METTL21C: variants seen among roughly 807,000 people sequenced by gnomAD.
The protein encoded by METTL21C is protein-lysine methyltransferase METTL21C.
In METTL21C, 21 loss-of-function variants were observed where a neutral mutation model predicts 25.9. The observed-to-expected ratio is 0.81, with a 90% CI of 0.58 to 1.17. The LOEUF is 1.17. METTL21C is among the 50% of genes most tolerant of loss of function. METTL21C has a pLI of 0.00. For synonymous variants in METTL21C, 125 were observed against 124.7 expected (o/e 1.00, Z -0.01); for missense variants, 312 against 315.1 (o/e 0.99, Z 0.07).
Position 102,694,586 on chromosome 13 carries a change from C to T in METTL21C, c.-88G>A, listed in dbSNP as rs897150564. ...TACTGACTGACTGTTACTAGTTCAG[C>T]ACATCTATGATCTACATCGCATGTT... is the stretch of plus-strand genomic sequence containing the variant. On this transcript the variant is annotated 5_prime_UTR_variant, in exon 1 of 4. Transcript: ENST00000267273. 1 of 163,526 alleles carries T rather than the reference C, an allele frequency of 6.1e-6. No individual in the cohort carries two copies. Among genetic ancestry groups the T allele is most frequent in the Non-Finnish European group, 6.9e-6 (1 of 144,898 alleles). The allele number at this position is 163,526 out of a possible 1,614,324, so 10.1% of individuals were successfully genotyped here.
intron 1 of METTL21C, among the ~76,000 whole-genome samples, 185 bp downstream of exon 1, chr13:102,694,184 A>G (rs1885893025): frequency 6.6e-6 from 1 of 152,238 alleles, no homozygotes; most frequent in South Asian, 2.1e-4. Flanking sequence ...ACTTTTAATA[A>G]GTAAATAATG....
At chr13:102,702,677 G>T in the METTL21C span, among the ~76,000 whole-genome samples, 1 of 151,338 alleles carries the variant, frequency 6.6e-6, no homozygotes, top group Non-Finnish European at 1.5e-5. Flanking sequence ...AGCAACCTCC[G>T]CTTCCTGGGT....
rs767099583 is a variant in METTL21C, at chr13:102,686,047, A to G, written c.779T>C (p.Ile260Thr). The change falls in exon 4 of 4, where the codon ATA (isoleucine) becomes ACA (threonine). Residue 260 changes from isoleucine (I) to threonine (T), a missense_variant. Ile to Thr is a moderately conservative substitution (Grantham distance 89, BLOSUM62 -1). Coordinates refer to ENST00000267273, the MANE Select transcript of METTL21C (RefSeq NM_001010977.3). Reference protein sequence around the residue: ...PESSVKLFKGILKWD With the variant: ...PESSVKLFKGTLKWD ...TTGTTGGATTTAGTCCCATTTTAGT[A>G]TCCCCTTAAAAAGTTTGACTGATGA... 1.8e-5 allele frequency: 29 copies of G among 1,579,820 alleles called. No individual in the cohort carries two copies. Among genetic ancestry groups the G allele is most frequent in the Non-Finnish European group, 2.3e-5 (27 of 1,160,110 alleles).
At chr13:102,703,958 C>G in the METTL21C span, among the ~76,000 whole-genome samples, 1 of 152,204 alleles carries the variant, frequency 6.6e-6, no homozygotes, top group Non-Finnish European at 1.5e-5. Context: ...CTACCTTTCT[C>G]ACACAAAGAC....
At chr13:102,691,571 A>G (rs1398882309) in intron 1 of METTL21C, among the ~76,000 whole-genome samples, 1 of 151,910 alleles carries the variant, frequency 6.6e-6, no homozygotes, top group East Asian at 1.9e-4. Context: ...GCTGGTCTCA[A>G]ACTCCTGACC....
At chr13:102,699,200 T>C (rs1464797643), upstream of METTL21C, among the ~76,000 whole-genome samples, 1 of 152,156 alleles carries the variant, frequency 6.6e-6, no homozygotes, top group African/African-American at 2.4e-5. Context: ...ACTTCCTTAT[T>C]TGCATAAATA....
intron 1 of METTL21C, among the ~76,000 whole-genome samples, chr13:102,693,704 G>A (rs769495292): frequency 1.3e-5 from 2 of 152,226 alleles, no homozygotes; most frequent in Non-Finnish European, 2.9e-5. Flanking sequence ...TTTTGTGCCT[G>A]AAATATTTTC....
At chr13:102,700,501 A>G in the METTL21C span, among the ~76,000 whole-genome samples, 2 of 152,218 alleles carry the variant, frequency 1.3e-5, no homozygotes, top group South Asian at 2.1e-4. Flanking sequence ...TCATGTTATC[A>G]AAATAGCCAA....
chr13:102,689,273 G>A (rs188869128), intron 2 of METTL21C, among the ~76,000 whole-genome samples: 20 of 152,186 alleles, frequency 1.3e-4, no homozygotes, highest in Admixed American at 6.5e-4. Context: ...CACTGCTGTC[G>A]TCTATTTGCT....
chr13:102,699,044 C>T (rs1566392711), upstream of METTL21C, among the ~76,000 whole-genome samples: 3 of 152,142 alleles, frequency 2.0e-5, no homozygotes, highest in Non-Finnish European at 4.4e-5. Flanking sequence ...AAGTTCACCC[C>T]TATAGTCAGG....
At chr13:102,702,208 TAGAG>T in the METTL21C span, among the ~76,000 whole-genome samples, 11 of 134,646 alleles carry the variant, frequency 8.2e-5, no homozygotes, top group East Asian at 4.1e-4. Flanking sequence ...TATATATATG[TAGAG>T]AGAGAGAGAG....
chr13:102,698,413 A>C (rs1408153147), upstream of METTL21C, among the ~76,000 whole-genome samples: 2 of 152,228 alleles, frequency 1.3e-5, no homozygotes, highest in Non-Finnish European at 2.9e-5. Flanking sequence ...CTGTTGTCTT[A>C]GAATCAGATA....
chr13:102,686,026 T>A lies in METTL21C; in HGVS notation c.*5A>T. Reference sequence around the variant, plus strand: ...AGTAACGTTGTGAAAGGCATTTTGTTGGATTTAGTCCCATTTTAGTATCCC... The same window carrying A: ...AGTAACGTTGTGAAAGGCATTTTGTAGGATTTAGTCCCATTTTAGTATCCC... On this transcript the variant is annotated 3_prime_UTR_variant, in exon 4 of 4. Coordinates refer to ENST00000267273, the MANE Select transcript of METTL21C (RefSeq NM_001010977.3). The A allele has an allele frequency of 6.4e-7, 1 of 1,553,310 alleles. No individual in the cohort carries two copies. Among genetic ancestry groups the A allele is most frequent in the Non-Finnish European group, 8.7e-7 (1 of 1,148,704 alleles).
intron 2 of METTL21C, among the ~76,000 whole-genome samples, chr13:102,687,604 G>A (rs889604988): frequency 6.6e-6 from 1 of 152,158 alleles, no homozygotes; most frequent in Non-Finnish European, 1.5e-5. Context: ...CTAAGAAACA[G>A]ACAGTTCAGA....
Position 102,687,022 on chromosome 13 carries a change from G to A in METTL21C, c.318C>T (p.Ala106=), listed in dbSNP as rs781238434. 2.5e-5 allele frequency: 40 copies of A among 1,613,844 alleles called. 1 individual carries two copies. Among genetic ancestry groups the A allele is most frequent in the South Asian group, 2.0e-4 (18 of 91,068 alleles). The part of the protein sequence containing the change: ...MALCQYLEEH[A]EELNFQDAKI... ...TTGCATCTTGGAAATTCAATTCCTCGGCATGTTCCTCCAAGTATTGACACA... is the reference window on the plus strand; with the variant it reads ...TTGCATCTTGGAAATTCAATTCCTCAGCATGTTCCTCCAAGTATTGACACA... The change falls in exon 3 of 4, where the codon GCC becomes GCT. Residue 106 remains alanine (A), a synonymous_variant. Transcript: ENST00000267273.
chr13:102,690,773 T>C, intron 2 of METTL21C, 40 bp downstream of exon 2: 2 of 1,603,090 alleles, frequency 1.2e-6, no homozygotes, highest in Non-Finnish European at 1.7e-6. Context: ...AATTGTTATC[T>C]CCAGAAATCC....
At chr13:102,695,745 C>A (rs1349886092), upstream of METTL21C, among the ~76,000 whole-genome samples, 1 of 152,180 alleles carries the variant, frequency 6.6e-6, no homozygotes, top group African/African-American at 2.4e-5. Flanking sequence ...CCAGCTCTAT[C>A]GTTCTAATGC....
chr13:102,692,751 A>C (rs1307383221), intron 1 of METTL21C, among the ~76,000 whole-genome samples: 1 of 152,200 alleles, frequency 6.6e-6, no homozygotes, highest in Non-Finnish European at 1.5e-5. Flanking sequence ...GTGAACTTGC[A>C]AGACGCCTCT....
At chr13:102,687,384 A>C (rs1885703512) in intron 2 of METTL21C, among the ~76,000 whole-genome samples, 1 of 152,228 alleles carries the variant, frequency 6.6e-6, no homozygotes, top group Non-Finnish European at 1.5e-5. Flanking sequence ...CCACTGGTTT[A>C]ATCATGTTGG....
Sources: allele counts gnomAD v4.1 joint callset (sites outside exome capture counted in the v4.1 genomes callset), GRCh38; gene constraint gnomAD v4.1.1; transcripts MANE v1.5; gene names NCBI Gene and HGNC (gene_info 2026-07-23, HGNC 2026-07-21).